RAD21L1: variants seen among roughly 807,000 people sequenced by gnomAD.
The protein encoded by RAD21L1 is RAD21 cohesin complex component like 1.
Under a neutral mutation model 69.0 loss-of-function variants are expected in RAD21L1, and 47 were observed. That is an observed-to-expected ratio of 0.68 (90% CI 0.54 to 0.87). RAD21L1 has a LOEUF of 0.87. Among genes scored for constraint, RAD21L1 ranks in the 40% least tolerant of loss-of-function variants. The probability of loss-of-function intolerance (pLI) is 0.00; values close to 1 mark genes in which losing one functional copy is unlikely to be tolerated. For missense variants in RAD21L1, 583 were observed against 647.6 expected, an observed-to-expected ratio of 0.90 and a Z score of 1.08; for synonymous variants, 177 against 205.8, an observed-to-expected ratio of 0.86 and a Z score of 1.20.
rs546301830 is a variant in RAD21L1 at position 1,244,235 on chromosome 20, G to A, written c.1308+65G>A. 4.5e-6 allele frequency: 5 copies of A among 1,108,746 alleles called. No homozygotes were observed. The East Asian group carries it at 1.4e-4, about 30-fold the overall frequency. 68.7% of individuals were successfully genotyped at this position (1,108,746 alleles called of 1,614,324 possible). On this transcript the variant is annotated intron_variant, in intron 11 of 13. Transcript: ENST00000683101. ...CTACAGATACAGTAAAGGAATGTTG[G>A]GACTCTGGTATATTTTCTTACATTT... is the stretch of plus-strand genomic sequence containing the variant.
chr20:1,252,080 G>C (rs2122171448), intron 13 of RAD21L1, among the ~76,000 whole-genome samples: 1 of 152,156 alleles, frequency 6.6e-6, no homozygotes, highest in Admixed American at 6.5e-5. Flanking sequence ...TCCTCTCACT[G>C]TTATCCTAGC....
Position 1,228,285 on chromosome 20 carries a change from C to T in RAD21L1, c.-32-137C>T, listed in dbSNP as rs139003524. The T allele has an allele frequency of 9.7e-4, 446 of 457,676 alleles. 2 individuals carry two copies. The highest frequency in any genetic ancestry group is 7.6e-3 in the African/African-American group (372 of 49,032). 28.4% of individuals were successfully genotyped at this position (457,676 alleles called of 1,614,324 possible). On this transcript the variant is annotated intron_variant, in intron 1 of 13. Coordinates refer to ENST00000683101, the MANE Select transcript of RAD21L1 (RefSeq NM_001384355.1). ...ATTCTAAATAAGTTTCTCTTATTTA[C>T]AAGAGAATAAATTGTATTGAATAAT...
chr20:1,234,377 ACTT>A (rs2087453645), intron 5 of RAD21L1, among the ~76,000 whole-genome samples, 186 bp downstream of exon 5: 1 of 152,160 alleles, frequency 6.6e-6, no homozygotes, highest in Non-Finnish European at 1.5e-5. Flanking sequence ...CTTAGGATAT[ACTT>A]CTATTCTCAG....
chr20:1,229,569 G>A (rs183635005), intron 2 of RAD21L1, among the ~76,000 whole-genome samples: 3 of 152,234 alleles, frequency 2.0e-5, no homozygotes, highest in Admixed American at 2.0e-4. Context: ...TTAAACTGAA[G>A]TTCAGGAAGG....
At chr20:1,252,661 G>GATT (rs748568946) in intron 13 of RAD21L1, among the ~76,000 whole-genome samples, 9,232 of 152,198 alleles carry the variant, frequency 0.061, 385 homozygotes, top group South Asian at 0.1. Flanking sequence ...AGCGGTCTCC[G>GATT]CTACTGTTCC....
intron 5 of RAD21L1, among the ~76,000 whole-genome samples, chr20:1,235,932 T>G (rs184669313): frequency 1.3e-5 from 2 of 152,282 alleles, no homozygotes; most frequent in Admixed American, 1.3e-4. Context: ...CGCACTCGGC[T>G]AATTTTTGTA....
Position 1,228,512 on chromosome 20 carries a change from C to G in RAD21L1, c.59C>G (p.Ala20Gly), listed in dbSNP as rs762275074. The G allele has an allele frequency of 6.5e-7, 1 of 1,549,666 alleles. No homozygotes were observed. The highest frequency in any genetic ancestry group is 8.7e-7 in the Non-Finnish European group (1 of 1,145,830). Reference protein sequence around the residue: ...KRGPLAKIWLAAHWEKKLTKA... With the variant: ...KRGPLAKIWLGAHWEKKLTKA... ...GGGCCATTGGCCAAAATATGGCTTG[C>G]AGCTCACTGGGAGAAGAAACTCACA... is the stretch of plus-strand genomic sequence containing the variant. The change falls in exon 2 of 14, where the codon GCA (alanine) becomes GGA (glycine). Residue 20 changes from alanine to glycine, a missense_variant. Physicochemically the swap from Ala to Gly is moderately conservative, Grantham distance 60. Coordinates refer to ENST00000683101, the MANE Select transcript of RAD21L1 (RefSeq NM_001384355.1).
At chr20:1,233,967 TA>T in intron 4 of RAD21L1, 117 bp from the exon 5 acceptor site, 1 of 564,800 alleles carries the variant, frequency 1.8e-6, no homozygotes, top group Non-Finnish European at 3.2e-6. Flanking sequence ...CTAGTGTTTA[TA>T]AATAATACTA....
chr20:1,227,032 C>A (rs2087278778), intron 1 of RAD21L1, among the ~76,000 whole-genome samples: 1 of 152,300 alleles, frequency 6.6e-6, no homozygotes, highest in African/African-American at 2.4e-5. Flanking sequence ...GCCTCAGCCT[C>A]CCAAGTAGCT....
intron 13 of RAD21L1, among the ~76,000 whole-genome samples, chr20:1,253,760 C>A (rs1028352910): frequency 2.2e-4 from 33 of 152,188 alleles, no homozygotes; most frequent in Admixed American, 6.5e-5. Flanking sequence ...AATCCGACAT[C>A]TTTTTAATCT....
chr20:1,248,528 T>A, intron 12 of RAD21L1, 98 bp from the exon 13 acceptor site: 1 of 603,808 alleles, frequency 1.7e-6, no homozygotes, highest in Non-Finnish European at 2.9e-6. Flanking sequence ...CCCATTGTAA[T>A]AATTGTGTTT....
intron 3 of RAD21L1, chr20:1,231,054 C>T (rs1442186161): frequency 6.6e-6 from 1 of 152,354 alleles, no homozygotes; most frequent in African/African-American, 2.4e-5. Flanking sequence ...AAAAGCCTTT[C>T]TGAGAAGATA....
intron 8 of RAD21L1, among the ~76,000 whole-genome samples, chr20:1,241,133 A>C (rs935569511): frequency 1.3e-5 from 2 of 152,224 alleles, no homozygotes; most frequent in African/African-American, 2.4e-5. Flanking sequence ...GGAAACTGAA[A>C]AATTTTAAAC....
intron 12 of RAD21L1, 74 bp from the exon 13 acceptor site, chr20:1,248,552 A>G (rs1600230384): frequency 1.3e-6 from 1 of 771,098 alleles, no homozygotes; most frequent in Non-Finnish European, 2.1e-6. Context: ...GTAGAAGCTA[A>G]CACTATGATG....
intron 5 of RAD21L1, among the ~76,000 whole-genome samples, chr20:1,237,816 A>G (rs1029196195): frequency 6.6e-6 from 1 of 152,188 alleles, no homozygotes; most frequent in Admixed American, 6.5e-5. Flanking sequence ...TCTATGTAAT[A>G]TGTTGGCATT....
At position 1,246,198 on chromosome 20, in the gene RAD21L1, A is replaced by C; in HGVS notation, c.1309-15A>C. On this transcript the variant is annotated splice_polypyrimidine_tract_variant and intron_variant, in intron 11 of 13. Transcript: ENST00000683101. The surrounding 1 kb of genome is among the most constrained non-coding windows in gnomAD (Gnocchi z 4.6). ...CTGGCAGATTTACCTAACTTTCCCT[A>C]ATTTGCTTCAGCAGGATATTGTTGA... The C allele has an allele frequency of 2.7e-6, 4 of 1,481,370 alleles. No individual in the cohort carries two copies. Among genetic ancestry groups the C allele is most frequent in the Non-Finnish European group, 3.6e-6 (4 of 1,101,206 alleles). 91.8% of individuals were successfully genotyped at this position (1,481,370 alleles called of 1,614,324 possible).
intron 5 of RAD21L1, among the ~76,000 whole-genome samples, chr20:1,235,402 A>G (rs1236014969): frequency 6.6e-6 from 1 of 152,076 alleles, no homozygotes; most frequent in South Asian, 2.1e-4. Flanking sequence ...GTTTTCTAAT[A>G]TTTGTCCATT....
At chr20:1,250,395 C>A (rs955151973) in intron 13 of RAD21L1, among the ~76,000 whole-genome samples, 5 of 151,820 alleles carry the variant, frequency 3.3e-5, no homozygotes, top group Non-Finnish European at 7.4e-5. Context: ...TAATGCTATC[C>A]CTCCCGCTGT....
intron 3 of RAD21L1, chr20:1,230,803 T>C (rs1402077380): frequency 2.1e-6 from 1 of 466,500 alleles, no homozygotes; most frequent in African/African-American, 2.1e-5. Flanking sequence ...TCGTTTATTA[T>C]TTTTTTACAT....
Sources: gnomAD v4.1 joint callset for allele counts (sites outside exome capture counted in the v4.1 genomes callset) on GRCh38, gnomAD v4.1.1 for gene constraint, Gnocchi (gnomAD v3.1) non-coding constraint, MANE v1.5 for transcripts, NCBI Gene and HGNC (gene_info 2026-07-23, HGNC 2026-07-21) for gene names.